The following SLCO3A1 variants were observed in gnomAD, a reference collection of about 807,000 sequenced individuals.
SLCO3A1 encodes the protein PGE1 transporter.
A neutral mutation model predicts 63.1 loss-of-function variants in SLCO3A1; 27 were observed. The ratio of observed to expected loss-of-function variants is 0.43; its 90% CI spans 0.32 to 0.59. SLCO3A1 has a LOEUF of 0.59. Ranked by LOEUF, SLCO3A1 falls within the 20% of genes least tolerant of loss-of-function variation. The pLI is 0.09. For missense variants in SLCO3A1, 773 were observed against 945.8 expected, an observed-to-expected ratio of 0.82 and a Z score of 2.40; for synonymous variants, 473 against 409.9, an observed-to-expected ratio of 1.15 and a Z score of -1.86.
Position 91,937,333 on chromosome 15 carries a change from C to T in SLCO3A1, c.646+20875C>T, listed in dbSNP as rs187335683. On this transcript the variant is annotated intron_variant, in intron 2 of 9. Coordinates refer to ENST00000318445, the MANE Select transcript of SLCO3A1 (RefSeq NM_013272.4). The stretch of plus-strand genomic sequence containing the variant: ...GCCAGGCCCCATGGGGAACAAGTGG[C>T]GGGAGGCAGAAGCTTTGACTGTTCT... Among the ~76,000 whole-genome samples, 171 of 152,244 alleles carry T rather than the reference C, an allele frequency of 1.1e-3. 2 individuals carry two copies. Among genetic ancestry groups the T allele is most frequent in the African/African-American group, 4.0e-3 (168 of 41,528 alleles).
intron 2 of SLCO3A1, among the ~76,000 whole-genome samples, chr15:91,988,239 CA>C (rs901590571): frequency 2.0e-5 from 3 of 151,372 alleles, no homozygotes; most frequent in East Asian, 1.9e-4. Context: ...CTCGTCTCTA[CA>C]AAAAAAATAA....
In SLCO3A1 at chr15:91,916,919, A is replaced by C. The variant is rs1220102176; in HGVS notation, c.646+461A>C. Among the ~76,000 whole-genome samples the C allele has an allele frequency of 2.0e-5, 3 of 152,150 alleles. No individual in the cohort carries two copies. The highest frequency in any genetic ancestry group is 4.4e-5 in the Non-Finnish European group (3 of 68,040). On this transcript the variant is annotated intron_variant, in intron 2 of 9. Coordinates refer to ENST00000318445, the MANE Select transcript of SLCO3A1 (RefSeq NM_013272.4). The surrounding 1 kb of genome is among the most constrained non-coding windows in gnomAD (Gnocchi z 6.2). Reference sequence around the variant, plus strand: ...CTTTGCCAGCATTTGGCATCATTCGAAGTTGGTGACTTCCGGTAATTTTTT... The same window carrying C: ...CTTTGCCAGCATTTGGCATCATTCGCAGTTGGTGACTTCCGGTAATTTTTT...
chr15:92,129,103 T>C lies in SLCO3A1; in HGVS notation c.1512+614T>C, dbSNP rs2047961892. On this transcript the variant is annotated intron_variant, in intron 7 of 9. Transcript: ENST00000318445. The stretch of plus-strand genomic sequence containing the variant: ...TAAGTGACGGGTCATCCATTGGTGC[T>C]GATCCCACCTTCCAGGAGTCCTTGG... Among the ~76,000 whole-genome samples the C allele has an allele frequency of 2.0e-5, 3 of 152,180 alleles. No homozygotes were observed. In the South Asian group the frequency reaches 6.2e-4, roughly 32 times the overall value.
chr15:92,105,205 C>T (rs1167741301), intron 4 of SLCO3A1, among the ~76,000 whole-genome samples: 1 of 151,986 alleles, frequency 6.6e-6, no homozygotes, highest in Non-Finnish European at 1.5e-5. Flanking sequence ...TCAAGCTCAC[C>T]AGAGGTTGCA....
chr15:92,153,372 CTTATGAGTCTCCAA>C (rs746278483), intron 9 of SLCO3A1: 12 of 152,120 alleles, frequency 7.9e-5, no homozygotes, highest in Non-Finnish European at 1.5e-4. Flanking sequence ...TTTATTGCCC[CTTATGAGTCTCCAA>C]TTAGAGGCTG....
At chr15:91,994,091 C>T (rs957223208) in intron 2 of SLCO3A1, among the ~76,000 whole-genome samples, 5 of 152,140 alleles carry the variant, frequency 3.3e-5, no homozygotes, top group Non-Finnish European at 5.9e-5. Context: ...ATAAAATTTG[C>T]GTGACATGAT....
intron 2 of SLCO3A1, among the ~76,000 whole-genome samples, chr15:92,011,587 C>G (rs1389493887): frequency 6.6e-6 from 1 of 152,192 alleles, no homozygotes; most frequent in African/African-American, 2.4e-5. Flanking sequence ...CCCCCACTTC[C>G]TTGACAGTTA....
At position 91,885,181 on chromosome 15, in the gene SLCO3A1, G is replaced by A. The variant is rs1897692533; in HGVS notation, c.181-30812G>A. Among the ~76,000 whole-genome samples, 1 of 152,206 alleles carries A rather than the reference G, an allele frequency of 6.6e-6. No homozygotes were observed. The highest frequency in any genetic ancestry group is 1.5e-5 in the Non-Finnish European group (1 of 68,050). On this transcript the variant is annotated intron_variant, in intron 1 of 9. Coordinates refer to ENST00000318445, the MANE Select transcript of SLCO3A1 (RefSeq NM_013272.4). This position sits in a 1 kb window ranked among gnomAD's most constrained non-coding sequence, Gnocchi z 4.7. ...AGGGTGCAGAAGGAGCAGGGGGCTT[G>A]TCTCCCTCTTTGCTCCCTTTGGCGT...
chr15:91,942,172 A>C lies in SLCO3A1; in HGVS notation c.646+25714A>C, dbSNP rs576221430. Among the ~76,000 whole-genome samples, 2 of 150,890 alleles carry C rather than the reference A, an allele frequency of 1.3e-5. No homozygotes were observed. Among genetic ancestry groups the C allele is most frequent in the African/African-American group, 5.0e-5 (2 of 40,192 alleles). On this transcript the variant is annotated intron_variant, in intron 2 of 9. Coordinates refer to ENST00000318445, the MANE Select transcript of SLCO3A1 (RefSeq NM_013272.4). The surrounding 1 kb of genome is among the most constrained non-coding windows in gnomAD (Gnocchi z 4.1). ...CTTTTCTTATTAAAATTTTACTTGT[A>C]GAAATAAAAAGGTGGCACCTCTGTC...
chr15:92,073,063 C>T (rs764328725), intron 2 of SLCO3A1, among the ~76,000 whole-genome samples: 15 of 152,062 alleles, frequency 9.9e-5, no homozygotes, highest in African/African-American at 2.7e-4. Flanking sequence ...ATCCTTTGCC[C>T]GGTAAGCCAT....
intron 4 of SLCO3A1, among the ~76,000 whole-genome samples, chr15:92,106,400 C>T (rs1401505536): frequency 1.3e-5 from 2 of 152,120 alleles, no homozygotes; most frequent in Non-Finnish European, 1.5e-5. Context: ...AGGAGGGTGC[C>T]TGCGACTCCC....
intron 2 of SLCO3A1, among the ~76,000 whole-genome samples, chr15:92,020,239 T>A (rs1364787268): frequency 2.1e-5 from 2 of 94,148 alleles, no homozygotes; most frequent in African/African-American, 9.6e-5. Context: ...ACACACACAC[T>A]ATATATATAT....
chr15:91,994,401 A>T (rs1048991829), intron 2 of SLCO3A1, among the ~76,000 whole-genome samples: 5 of 152,190 alleles, frequency 3.3e-5, no homozygotes, highest in Non-Finnish European at 7.3e-5. Flanking sequence ...GCCCAAAGTC[A>T]CAGTTGGTAA....
chr15:91,926,641 A>C (rs1279020356), intron 2 of SLCO3A1, among the ~76,000 whole-genome samples: 1 of 145,224 alleles, frequency 6.9e-6, no homozygotes, highest in African/African-American at 2.6e-5. Context: ...ATAATAGACA[A>C]ATATGAAGAT....
At chr15:92,134,856 T>A (rs2048037129) in intron 7 of SLCO3A1, among the ~76,000 whole-genome samples, 1 of 152,040 alleles carries the variant, frequency 6.6e-6, no homozygotes. Context: ...GTATCAGGCC[T>A]GCTGGGGTAG....
chr15:92,016,204 T>TATAG (rs1039964856), intron 2 of SLCO3A1, among the ~76,000 whole-genome samples: 14,089 of 119,934 alleles, frequency 0.12, 883 homozygotes, highest in South Asian at 0.15. Flanking sequence ...TATATATTTA[T>TATAG]ATAGATAGAT....
At chr15:91,921,783 A>G (rs1463123008) in intron 2 of SLCO3A1, among the ~76,000 whole-genome samples, 1 of 151,218 alleles carries the variant, frequency 6.6e-6, no homozygotes, top group East Asian at 1.9e-4. Flanking sequence ...AGGCTGGAGC[A>G]CAGTGGCGCC....
At chr15:92,145,006 G>T (rs182917120) in intron 7 of SLCO3A1, among the ~76,000 whole-genome samples, 69 of 152,304 alleles carry the variant, frequency 4.5e-4, no homozygotes, top group African/African-American at 1.6e-3. Context: ...CAGCAACAAA[G>T]ATGGAAAGCG....
rs949893435 is a variant in SLCO3A1, at chr15:91,859,262, A to G, written c.180+5174A>G. Reference sequence around the variant, plus strand: ...CTCGGTATTTTCTTGCCTCTCGGAAATGCCTTTGGTAATCTGTAGGCCAGA... The same window carrying G: ...CTCGGTATTTTCTTGCCTCTCGGAAGTGCCTTTGGTAATCTGTAGGCCAGA... On this transcript the variant is annotated intron_variant, in intron 1 of 9. Coordinates refer to ENST00000318445, the MANE Select transcript of SLCO3A1 (RefSeq NM_013272.4). This position sits in a 1 kb window ranked among gnomAD's most constrained non-coding sequence, Gnocchi z 5.1. 6.6e-6 allele frequency among the ~76,000 whole-genome samples: 1 copy of G among 152,218 alleles called. No homozygotes were observed.
Sources: allele counts gnomAD v4.1 joint callset (sites outside exome capture counted in the v4.1 genomes callset), GRCh38; gene constraint gnomAD v4.1.1; non-coding constraint Gnocchi (gnomAD v3.1); transcripts MANE v1.5; gene names NCBI Gene and HGNC (gene_info 2026-07-23, HGNC 2026-07-21).